Variants in PPP2R5E observed in about 807,000 individuals in gnomAD.
PPP2R5E encodes the protein protein phosphatase 2 regulatory subunit B'epsilon.
A neutral mutation model predicts 65.3 loss-of-function variants in PPP2R5E; 4 were observed. That is an observed-to-expected ratio of 0.06 (90% CI 0.03 to 0.14). The LOEUF (loss-of-function observed/expected upper bound fraction) is 0.14, where lower values mean the gene tolerates loss of function less well. PPP2R5E is among the 10% of genes least tolerant of loss of function. The pLI, the probability that PPP2R5E is intolerant of heterozygous loss-of-function variation, is 1.00. For synonymous variants in PPP2R5E, 183 were observed against 187.4 expected, an observed-to-expected ratio of 0.98 and a Z score of 0.19; for missense variants, 274 against 556.1, an observed-to-expected ratio of 0.49 and a Z score of 5.10.
chr14:63,413,517 A>C (rs1163030202), intron 5 of PPP2R5E, among the ~76,000 whole-genome samples: 1 of 152,198 alleles, frequency 6.6e-6, no homozygotes. Context: ...TAATCTTTCT[A>C]GACCTCAGTT....
intron 3 of PPP2R5E, chr14:63,452,118 A>C (rs1888870290): frequency 6.6e-6 from 1 of 151,940 alleles, no homozygotes; most frequent in South Asian, 2.1e-4. Flanking sequence ...TTGTGTGCTT[A>C]CAAAAAAAAA....
intron 13 of PPP2R5E, among the ~76,000 whole-genome samples, chr14:63,377,926 G>C (rs1054226010): frequency 1.3e-5 from 2 of 152,126 alleles, no homozygotes; most frequent in African/African-American, 4.8e-5. Context: ...AAGTGCAGTG[G>C]CACAATCATA....
chr14:63,434,178 T>G (rs1235000492), intron 3 of PPP2R5E, among the ~76,000 whole-genome samples: 1 of 152,010 alleles, frequency 6.6e-6, no homozygotes, highest in African/African-American at 2.4e-5. Context: ...TTCAAGTAAT[T>G]TAATTTGCTT....
chr14:63,434,694 C>G (rs1468732603), intron 3 of PPP2R5E, among the ~76,000 whole-genome samples: 1 of 152,062 alleles, frequency 6.6e-6, no homozygotes, highest in Non-Finnish European at 1.5e-5. Context: ...CAATTTCACT[C>G]TCATTGGACT....
intron 2 of PPP2R5E, among the ~76,000 whole-genome samples, chr14:63,485,825 CTTTTT>C (rs770156529): frequency 7.7e-6 from 1 of 130,632 alleles, no homozygotes; most frequent in African/African-American, 2.9e-5. Context: ...TACTGACAAA[CTTTTT>C]TTTTTTTTTT....
At position 63,381,926 on chromosome 14, in the gene PPP2R5E, A is replaced by G. The variant is rs1884389370; in HGVS notation, c.1304+130T>C. 4 of 631,064 alleles carry G rather than the reference A, an allele frequency of 6.3e-6. No homozygotes were observed. The African/African-American group carries it at 7.3e-5, about 12-fold the overall frequency. The allele number at this position is 631,064 out of a possible 1,614,324, so 39.1% of individuals were successfully genotyped here. A position where few individuals can be genotyped will look rare whatever the true frequency, so the allele number is the denominator to read the frequency against. ...TTTCTCAGAACATATACTGGTTGTT[A>G]AGTAATGCATGACTGTAAACAAAAT... On this transcript the variant is annotated intron_variant, in intron 13 of 13. Coordinates refer to ENST00000337537, the MANE Select transcript of PPP2R5E (RefSeq NM_006246.5).
intron 2 of PPP2R5E, among the ~76,000 whole-genome samples, chr14:63,533,922 G>A (rs1331523987): frequency 1.3e-5 from 2 of 152,218 alleles, no homozygotes. Context: ...ACTCCAGCCT[G>A]GGTGACAGAG....
At chr14:63,430,389 A>ATGCATG (rs1887594254) in intron 3 of PPP2R5E, among the ~76,000 whole-genome samples, 6 of 142,490 alleles carry the variant, frequency 4.2e-5, no homozygotes, top group African/African-American at 1.8e-4. Context: ...ATACATACAT[A>ATGCATG]CATACATACA....
intron 2 of PPP2R5E, among the ~76,000 whole-genome samples, chr14:63,509,117 GCTTAAAATC>G (rs1892345343): frequency 6.6e-6 from 1 of 152,136 alleles, no homozygotes; most frequent in South Asian, 2.1e-4. Flanking sequence ...AGACTTTGCT[GCTTAAAATC>G]CTTCACTTCT....
At chr14:63,382,373 A>G (rs73272537) in intron 12 of PPP2R5E, among the ~76,000 whole-genome samples, 7,150 of 151,944 alleles carry the variant, frequency 0.047, 618 homozygotes, top group African/African-American at 0.16. Context: ...GTAGAACTAG[A>G]AAAAAAATCT....
chr14:63,454,940 T>C (rs1314570201), intron 2 of PPP2R5E, among the ~76,000 whole-genome samples: 1 of 152,216 alleles, frequency 6.6e-6, no homozygotes, highest in African/African-American at 2.4e-5. Flanking sequence ...GAGACAATCA[T>C]TGAGGTCCCA....
Position 63,393,887 on chromosome 14 carries a change from T to C in PPP2R5E, c.782A>G (p.Lys261Arg). The C allele has an allele frequency of 1.2e-6, 2 of 1,612,160 alleles. No individual in the cohort carries two copies. Among genetic ancestry groups the C allele is most frequent in the Non-Finnish European group, 1.7e-6 (2 of 1,178,392 alleles). The change falls in exon 8 of 14, where the codon AAA becomes AGA. Residue 261 changes from lysine to arginine, a missense_variant. By Grantham distance (26) the Lys-to-Arg change is conservative. Around this residue, in one of 6 missense-constraint regions of PPP2R5E, gnomAD observed 129 missense variants for 254.9 expected, o/e 0.51. Transcript: ENST00000337537. ...GFALPLKAEH[K>R]QFLVKVLIPL... ...GATCAATACTTTCACCAGAAACTGT[T>C]TGTGTTCTGCCTTAAGAGGTAAAGC...
chr14:63,469,701 T>A (rs58971087), intron 2 of PPP2R5E, among the ~76,000 whole-genome samples: 4,099 of 151,996 alleles, frequency 0.027, 159 homozygotes, highest in African/African-American at 0.089. Context: ...TTCAAAAAAA[T>A]CAAGTAAAGT....
intron 2 of PPP2R5E, among the ~76,000 whole-genome samples, chr14:63,523,064 C>T (rs1353720594): frequency 2.2e-4 from 33 of 149,114 alleles, no homozygotes; most frequent in South Asian, 1.3e-3. Flanking sequence ...CCCGGCCAGC[C>T]GCCCCGTCCG....
At chr14:63,414,323 G>T (rs1353710978) in intron 5 of PPP2R5E, among the ~76,000 whole-genome samples, 6 of 151,956 alleles carry the variant, frequency 3.9e-5, no homozygotes, top group Admixed American at 2.6e-4. Flanking sequence ...TTGCTCTTTT[G>T]CCCAGGCTAG....
intron 2 of PPP2R5E, among the ~76,000 whole-genome samples, chr14:63,522,973 C>T (rs1246891653): frequency 1.4e-5 from 2 of 146,806 alleles, no homozygotes; most frequent in Admixed American, 6.6e-5. Context: ...GGTCAGCCCC[C>T]TGCCCGGCCA....
At chr14:63,409,661 G>C (rs180978408) in intron 5 of PPP2R5E, among the ~76,000 whole-genome samples, 1 of 152,332 alleles carries the variant, frequency 6.6e-6, no homozygotes, top group East Asian at 1.9e-4. Context: ...GAGGCTCCGA[G>C]TGGTCAATAA....
chr14:63,400,684 G>A (rs1885699579), intron 5 of PPP2R5E, among the ~76,000 whole-genome samples: 2 of 83,404 alleles, frequency 2.4e-5, no homozygotes, highest in Admixed American at 3.4e-4. Flanking sequence ...AGAAAGGCAT[G>A]TGGCCCCAAC....
Position 63,393,836 on chromosome 14 carries a change from G to A in PPP2R5E, c.833C>T (p.Ser278Leu). ...TCCTCCTACCTGTGCATGGAAGAGT[G>A]ATAAGCTCCTGACAGTGTGTAAAGG... Reference protein sequence around the residue: ...LIPLHTVRSLSLFHAQLAYCI... With the variant: ...LIPLHTVRSLLLFHAQLAYCI... The change falls in exon 8 of 14, where the codon TCA becomes TTA. Residue 278 changes from serine (S) to leucine (L), a missense_variant. By Grantham distance (145) the Ser-to-Leu change is moderately radical. This residue lies in a region of PPP2R5E where 129 missense variants were observed against 254.9 expected (regional missense o/e 0.51). Transcript: ENST00000337537. The A allele has an allele frequency of 6.3e-7, 1 of 1,599,008 alleles. No individual in the cohort carries two copies. Among genetic ancestry groups the A allele is most frequent in the Non-Finnish European group, 8.6e-7 (1 of 1,166,698 alleles).
Sources: gnomAD v4.1 joint callset for allele counts (sites outside exome capture counted in the v4.1 genomes callset) on GRCh38, gnomAD v4.1.1 for gene constraint, gnomAD v4.1.1 regional missense constraint, MANE v1.5 for transcripts, NCBI Gene and HGNC (gene_info 2026-07-23, HGNC 2026-07-21) for gene names.